The following KCNMA1 variants were observed in gnomAD, a reference collection of about 807,000 sequenced individuals.
KCNMA1 encodes the protein potassium calcium-activated channel subfamily M alpha 1.
A neutral mutation model predicts 140.0 loss-of-function variants in KCNMA1; 29 were observed. That is an observed-to-expected ratio of 0.21 (90% CI 0.15 to 0.28). KCNMA1 has a LOEUF of 0.28. KCNMA1 is among the 10% of genes least tolerant of loss of function. The pLI, the probability that KCNMA1 is intolerant of heterozygous loss-of-function variation, is 1.00. For missense variants in KCNMA1, 880 were observed against 1,602.2 expected, an observed-to-expected ratio of 0.55 and a Z score of 7.70; for synonymous variants, 612 against 611.9, an observed-to-expected ratio of 1.00 and a Z score of 0.00.
chr10:77,295,802 A>AAAAAAAAAAAC (rs1217557151), intron 2 of KCNMA1, among the ~76,000 whole-genome samples: 3 of 149,828 alleles, frequency 2.0e-5, no homozygotes, highest in African/African-American at 7.4e-5. Context: ...AAAAAAAAAA[A>AAAAAAAAAAAC]AAAAAAAAAA....
intron 18 of KCNMA1, chr10:77,008,035 G>T: frequency 1.4e-6 from 1 of 734,492 alleles, no homozygotes; most frequent in Middle Eastern, 2.7e-4. Context: ...GGGGGATGAA[G>T]GAGTTGGGGC....
chr10:77,411,497 G>A (rs1359266424), intron 1 of KCNMA1, among the ~76,000 whole-genome samples: 1 of 152,198 alleles, frequency 6.6e-6, no homozygotes, highest in Non-Finnish European at 1.5e-5. Flanking sequence ...GAGAGGTTAA[G>A]TAGCTGGCCC....
At chr10:77,201,387 G>A (rs1361222565) in intron 3 of KCNMA1, among the ~76,000 whole-genome samples, 2 of 152,164 alleles carry the variant, frequency 1.3e-5, no homozygotes, top group Non-Finnish European at 2.9e-5. Context: ...CTAACACAGG[G>A]AAAAAGAACC....
At chr10:77,548,819 A>G (rs2062035554) in intron 1 of KCNMA1, among the ~76,000 whole-genome samples, 1 of 152,222 alleles carries the variant, frequency 6.6e-6, no homozygotes, top group South Asian at 2.1e-4. Context: ...TGCAACAAGT[A>G]ATTATTGGGC....
At chr10:77,386,032 C>T (rs2095590528) in intron 2 of KCNMA1, among the ~76,000 whole-genome samples, 2 of 152,272 alleles carry the variant, frequency 1.3e-5, no homozygotes, top group East Asian at 1.9e-4. Context: ...AATATGTCTC[C>T]CCGAGTTTCC....
intron 14 of KCNMA1, chr10:77,064,251 C>T: frequency 3.4e-6 from 1 of 291,274 alleles, no homozygotes; most frequent in Non-Finnish European, 5.1e-6. Context: ...CATTTTGCTG[C>T]AAAGTAAAGA....
chr10:77,322,275 T>C lies in KCNMA1; in HGVS notation c.541-71019A>G, dbSNP rs565077190. On this transcript the variant is annotated intron_variant, in intron 2 of 27. Coordinates refer to ENST00000286628, the MANE Select transcript of KCNMA1 (RefSeq NM_001161352.2). ...GAAGCATGGGAGAGTCCACAAGTAT[T>C]TGATGGTTATTAAATCTCTCTTTAC... Among the ~76,000 whole-genome samples, 3 of 152,298 alleles carry C rather than the reference T, an allele frequency of 2.0e-5. No homozygotes were observed. In the East Asian group the frequency reaches 5.8e-4, roughly 29 times the overall value.
At chr10:77,068,852 AACACACACACACACACACACACAC>A (rs147592319) in intron 14 of KCNMA1, among the ~76,000 whole-genome samples, 9 of 133,744 alleles carry the variant, frequency 6.7e-5, no homozygotes, top group African/African-American at 2.3e-4. Flanking sequence ...TCACCCTCTA[AACACACACACACACACACACACAC>A]ACACACACAC....
At chr10:77,434,482 C>T (rs570776653) in intron 1 of KCNMA1, among the ~76,000 whole-genome samples, 1 of 152,318 alleles carries the variant, frequency 6.6e-6, no homozygotes, top group East Asian at 1.9e-4. Context: ...TCAACCCTCT[C>T]CTAAGCGAGA....
chr10:77,610,484 T>C (rs2086441008), intron 1 of KCNMA1, among the ~76,000 whole-genome samples: 1 of 152,218 alleles, frequency 6.6e-6, no homozygotes, highest in Non-Finnish European at 1.5e-5. Flanking sequence ...GCTCTCTCTC[T>C]CTCTAGCACA....
chr10:76,919,005 C>G (rs1035583016), intron 23 of KCNMA1, among the ~76,000 whole-genome samples: 2 of 151,712 alleles, frequency 1.3e-5, no homozygotes, highest in African/African-American at 2.4e-5. Context: ...ACAGCATTTG[C>G]AGTGACCTGG....
intron 5 of KCNMA1, among the ~76,000 whole-genome samples, chr10:77,150,551 A>G (rs2098400327): frequency 6.6e-6 from 1 of 152,208 alleles, no homozygotes; most frequent in Non-Finnish European, 1.5e-5. Flanking sequence ...ACAAACAATC[A>G]CCAAAAATAA....
In KCNMA1 at chr10:77,327,737, A is replaced by G. The variant is rs1824207; in HGVS notation, c.540+76125T>C. Among the ~76,000 whole-genome samples the G allele has an allele frequency of 2.5e-3, 385 of 152,230 alleles. 5 individuals are homozygous for G. Among genetic ancestry groups the G allele is most frequent in the East Asian group, 0.015 (77 of 5,174 alleles). ...CCACTGTAAGGTAGGACTGCCCACA[A>G]TGGTGTAAAGAGCCATCTGGGAAAT... On this transcript the variant is annotated intron_variant, in intron 2 of 27. Transcript: ENST00000286628.
chr10:77,094,898 G>T (rs116923813), intron 9 of KCNMA1, among the ~76,000 whole-genome samples: 1 of 152,000 alleles, frequency 6.6e-6, no homozygotes, highest in Non-Finnish European at 1.5e-5. Context: ...ATAGGTTCTT[G>T]CTATGTTGCC....
At chr10:77,353,991 T>TGGG (rs2093214441) in intron 2 of KCNMA1, among the ~76,000 whole-genome samples, 2 of 12,060 alleles carry the variant, frequency 1.7e-4, no homozygotes, top group African/African-American at 2.2e-4. Flanking sequence ...GTGGTGGGGG[T>TGGG]GGAGGGGTGG....
At chr10:77,570,076 G>C (rs1268769850) in intron 1 of KCNMA1, among the ~76,000 whole-genome samples, 1 of 151,586 alleles carries the variant, frequency 6.6e-6, no homozygotes, top group Non-Finnish European at 1.5e-5. Context: ...TCATTAAAAA[G>C]TCAGGAAACA....
intron 25 of KCNMA1, among the ~76,000 whole-genome samples, chr10:76,896,796 T>G (rs2042697637): frequency 6.6e-6 from 1 of 152,112 alleles, no homozygotes; most frequent in Non-Finnish European, 1.5e-5. Flanking sequence ...AAAGTTTCTT[T>G]TTGATGCCAT....
intron 16 of KCNMA1, chr10:77,019,377 C>CAGTCT (rs1490251547): frequency 4.6e-6 from 2 of 438,664 alleles, no homozygotes; most frequent in Non-Finnish European, 8.3e-6. Flanking sequence ...TATAATGGAG[C>CAGTCT]AGTCTAGCTG....
intron 1 of KCNMA1, among the ~76,000 whole-genome samples, chr10:77,615,372 C>T (rs2089022357): frequency 6.6e-6 from 1 of 152,232 alleles, no homozygotes; most frequent in African/African-American, 2.4e-5. Context: ...CCATTCCATG[C>T]CCTCCAGCAC....
Sources: allele counts gnomAD v4.1 joint callset (sites outside exome capture counted in the v4.1 genomes callset), GRCh38; gene constraint gnomAD v4.1.1; transcripts MANE v1.5; gene names NCBI Gene and HGNC (gene_info 2026-07-23, HGNC 2026-07-21).